ZNF69: variants seen among roughly 807,000 people sequenced by gnomAD.
ZNF69 encodes zinc finger protein 69.
A neutral mutation model predicts 50.9 loss-of-function variants in ZNF69; 47 were observed. The ratio of observed to expected loss-of-function variants is 0.92; its 90% CI spans 0.73 to 1.18. The LOEUF is 1.18. ZNF69 is among the 50% of genes most tolerant of loss of function. The probability of loss-of-function intolerance (pLI) is 0.00; values close to 1 mark genes in which losing one functional copy is unlikely to be tolerated. For synonymous variants in ZNF69, 216 were observed against 223.1 expected, an observed-to-expected ratio of 0.97 and a Z score of 0.29; for missense variants, 717 against 675.1, an observed-to-expected ratio of 1.06 and a Z score of -0.69.
At chr19:11,968,013 C>T in the ZNF69 span, among the ~76,000 whole-genome samples, 1 of 152,224 alleles carries the variant, frequency 6.6e-6, no homozygotes, top group South Asian at 2.1e-4. Flanking sequence ...GATGTTCTGT[C>T]GTTGTGGGAG....
At chr19:11,927,715 G>A in the ZNF69 span, among the ~76,000 whole-genome samples, 1 of 152,162 alleles carries the variant, frequency 6.6e-6, no homozygotes, top group Non-Finnish European at 1.5e-5. Flanking sequence ...TATCTTGAAA[G>A]CACATATTGT....
chr19:11,947,714 A>T, the ZNF69 span: 7 of 895,928 alleles, frequency 7.8e-6, no homozygotes, highest in Non-Finnish European at 1.2e-5. Context: ...AAAAACATAT[A>T]TTTAAACGTG....
At chr19:11,961,584 G>A in the ZNF69 span, 1 of 152,144 alleles carries the variant, frequency 6.6e-6, no homozygotes, top group Non-Finnish European at 1.5e-5. Context: ...TAATAGTAGT[G>A]ATAGCCTAAC....
chr19:11,899,058 T>C (rs1172480269), intron 1 of ZNF69, among the ~76,000 whole-genome samples: 2 of 152,148 alleles, frequency 1.3e-5, no homozygotes, highest in Non-Finnish European at 2.9e-5. Context: ...TACAGAAGCG[T>C]TTCACTGCCC....
chr19:11,978,574 T>C, the ZNF69 span: 23 of 1,614,072 alleles, frequency 1.4e-5, no homozygotes, highest in Middle Eastern at 1.6e-4. Flanking sequence ...TTATATCTTA[T>C]CCATGAAAGA....
chr19:11,919,657 A>G, the ZNF69 span, among the ~76,000 whole-genome samples: 1 of 152,244 alleles, frequency 6.6e-6, no homozygotes, highest in Admixed American at 6.5e-5. Flanking sequence ...CGAACCCTTT[A>G]GGAGATCACA....
At chr19:11,932,635 ATTTT>A in the ZNF69 span, among the ~76,000 whole-genome samples, 439 of 116,832 alleles carry the variant, frequency 3.8e-3, 31 homozygotes, top group African/African-American at 0.013. Context: ...CCAATATGTG[ATTTT>A]TTTTTTTTTT....
chr19:11,911,552 TC>T (rs1308715793), downstream of ZNF69, among the ~76,000 whole-genome samples: 1 of 152,116 alleles, frequency 6.6e-6, no homozygotes, highest in Non-Finnish European at 1.5e-5. Flanking sequence ...AAACCATCAT[TC>T]TGAGCAAACT....
the ZNF69 span, chr19:11,947,497 CTG>C: frequency 6.2e-7 from 1 of 1,610,844 alleles, no homozygotes; most frequent in Non-Finnish European, 8.5e-7. Context: ...GACTATTTTT[CTG>C]TGTCTGTATT....
the ZNF69 span, chr19:11,965,119 C>T: frequency 6.3e-7 from 1 of 1,579,878 alleles, no homozygotes; most frequent in South Asian, 1.1e-5. Flanking sequence ...GTACCTCTAC[C>T]CAGGTTTCTA....
the ZNF69 span, among the ~76,000 whole-genome samples, chr19:11,971,480 G>C: frequency 2.0e-5 from 3 of 152,140 alleles, no homozygotes; most frequent in South Asian, 4.2e-4. Context: ...ATTCTATAGA[G>C]CATCTTGGCT....
Position 11,905,390 on chromosome 19 carries a change from C to T in ZNF69, c.993C>T (p.Pro331=). 2 of 1,614,158 alleles carry T rather than the reference C, an allele frequency of 1.2e-6. No individual in the cohort carries two copies. The highest frequency in any genetic ancestry group is 1.1e-5 in the South Asian group (1 of 91,086). Reference sequence around the variant, plus strand: ...AAAGGACCCACTCTAGGAAAAAACCCTATGAATGTACGCAGTGTGGGAAAG... The same window carrying T: ...AAAGGACCCACTCTAGGAAAAAACCTTATGAATGTACGCAGTGTGGGAAAG... ...IHERTHSRKK[P]YECTQCGKAL... The change falls in exon 4 of 4, where the codon CCC becomes CCT. Residue 331 remains proline, a synonymous_variant. Transcript: ENST00000429654.
the ZNF69 span, chr19:11,976,955 A>C: frequency 6.3e-7 from 1 of 1,580,840 alleles, no homozygotes; most frequent in Non-Finnish European, 8.6e-7. Flanking sequence ...TTTGGAGTCC[A>C]CGGCAACTTC....
In ZNF69 at chr19:11,894,918, G is replaced by A. The variant is rs532869864; in HGVS notation, c.63+6932G>A. On this transcript the variant is annotated intron_variant, in intron 1 of 3. Transcript: ENST00000429654. Reference sequence around the variant, plus strand: ...AAGGAAAGCCCACCCCAACGGGGTGGACCAGTAGCCTGCAAATCAGAATAT... The same window carrying A: ...AAGGAAAGCCCACCCCAACGGGGTGAACCAGTAGCCTGCAAATCAGAATAT... Among the ~76,000 whole-genome samples the A allele has an allele frequency of 8.5e-4, 130 of 152,294 alleles. 1 individual carries two copies. The Middle Eastern group carries it at 0.01, about 12-fold the overall frequency.
the ZNF69 span, chr19:11,965,126 T>C: frequency 1.9e-6 from 3 of 1,596,552 alleles, no homozygotes; most frequent in Admixed American, 3.3e-5. Flanking sequence ...TACCCAGGTT[T>C]CTATCGCTCT....
the ZNF69 span, among the ~76,000 whole-genome samples, chr19:11,922,686 T>G: frequency 6.6e-6 from 1 of 152,044 alleles, no homozygotes; most frequent in African/African-American, 2.4e-5. Flanking sequence ...TGGTAAATCC[T>G]CAGTAGGCCA....
chr19:11,965,297 C>T, the ZNF69 span: 1 of 1,583,746 alleles, frequency 6.3e-7, no homozygotes, highest in Non-Finnish European at 8.6e-7. Flanking sequence ...CCCGGGCCTC[C>T]CTGCGGGCGA....
chr19:11,952,277 A>C, the ZNF69 span, among the ~76,000 whole-genome samples: 1 of 152,232 alleles, frequency 6.6e-6, no homozygotes, highest in Non-Finnish European at 1.5e-5. Context: ...AATATTTCCT[A>C]AAATGTATGG....
chr19:11,897,890 A>C (rs1972162069), intron 1 of ZNF69, among the ~76,000 whole-genome samples: 1 of 151,734 alleles, frequency 6.6e-6, no homozygotes, highest in African/African-American at 2.4e-5. Flanking sequence ...AAAAAAAGAA[A>C]AGAAAAGAAA....
Sources: allele counts gnomAD v4.1 joint callset (sites outside exome capture counted in the v4.1 genomes callset), GRCh38; gene constraint gnomAD v4.1.1; transcripts MANE v1.5; gene names NCBI Gene and HGNC (gene_info 2026-07-23, HGNC 2026-07-21).